The following OSBPL10 variants were observed in gnomAD, a reference collection of about 807,000 sequenced individuals.
The protein encoded by OSBPL10 is oxysterol-binding protein-related protein 10.
Under a neutral mutation model 81.7 loss-of-function variants are expected in OSBPL10, and 49 were observed. That is an observed-to-expected ratio of 0.60 (90% CI 0.48 to 0.76). The LOEUF (loss-of-function observed/expected upper bound fraction) is 0.76. Ranked by LOEUF, OSBPL10 falls within the 30% of genes least tolerant of loss-of-function variation. The pLI, the probability that OSBPL10 is intolerant of heterozygous loss-of-function variation, is 0.00. For missense variants in OSBPL10, 923 were observed against 987.8 expected, an observed-to-expected ratio of 0.93 and a Z score of 0.88; for synonymous variants, 419 against 383.6, an observed-to-expected ratio of 1.09 and a Z score of -1.08.
chr3:32,020,606 G>A (rs549266927), intron 2 of OSBPL10, among the ~76,000 whole-genome samples: 1 of 152,048 alleles, frequency 6.6e-6, no homozygotes, highest in Admixed American at 6.6e-5. Context: ...TTGCGTACAA[G>A]TCTTTGTGAT....
intron 1 of OSBPL10, among the ~76,000 whole-genome samples, chr3:31,945,251 A>G (rs1697666561): frequency 6.6e-6 from 1 of 151,874 alleles, no homozygotes; most frequent in African/African-American, 2.4e-5. Context: ...TCCCTCCCTC[A>G]TCAGCAAACA....
chr3:31,879,408 C>T (rs1431943691), intron 2 of OSBPL10: 9 of 453,128 alleles, frequency 2.0e-5, no homozygotes, highest in Middle Eastern at 5.8e-4. Flanking sequence ...TCCTAAGGCG[C>T]GCTGCTTTGG....
At chr3:31,694,370 CAAAAAAAAAA>C (rs747631578) in intron 7 of OSBPL10, among the ~76,000 whole-genome samples, 3 of 62,832 alleles carry the variant, frequency 4.8e-5, no homozygotes, top group African/African-American at 7.1e-5. Context: ...GACTCTGTCT[CAAAAAAAAAA>C]AAAAAAAAAA....
At chr3:31,685,914 G>A (rs1204086780) in intron 7 of OSBPL10, among the ~76,000 whole-genome samples, 5 of 152,210 alleles carry the variant, frequency 3.3e-5, no homozygotes, top group Non-Finnish European at 7.3e-5. Context: ...CGATGTGGCA[G>A]TGTTAGGAAG....
At chr3:31,908,517 C>G (rs1696482164) in intron 1 of OSBPL10, among the ~76,000 whole-genome samples, 2 of 152,300 alleles carry the variant, frequency 1.3e-5, no homozygotes, top group East Asian at 1.9e-4. Flanking sequence ...ACCAGCTGAT[C>G]TAGAGGCAAG....
intron 11 of OSBPL10, chr3:31,663,154 G>A: frequency 1.0e-6 from 1 of 985,394 alleles, no homozygotes; most frequent in East Asian, 1.1e-4. Flanking sequence ...GCAGAAGTCA[G>A]GGGTTACCAG....
intron 1 of OSBPL10, among the ~76,000 whole-genome samples, chr3:31,911,791 C>T (rs7613480): frequency 0.54 from 81,420 of 151,854 alleles, 22,491 homozygotes; most frequent in Non-Finnish European, 0.61. Context: ...AAGCAGGGAA[C>T]ATGCAAAAGT....
chr3:31,788,524 A>T (rs1228719335), intron 4 of OSBPL10, among the ~76,000 whole-genome samples: 1 of 152,198 alleles, frequency 6.6e-6, no homozygotes, highest in Non-Finnish European at 1.5e-5. Flanking sequence ...AAGACTAAAA[A>T]TCACAGGTAA....
At chr3:31,988,162 A>G (rs773884588) in intron 2 of OSBPL10, among the ~76,000 whole-genome samples, 1 of 152,228 alleles carries the variant, frequency 6.6e-6, no homozygotes, top group Non-Finnish European at 1.5e-5. Context: ...ATCTGGAGCA[A>G]TTATCCTGTG....
intron 2 of OSBPL10, among the ~76,000 whole-genome samples, chr3:31,997,953 C>A (rs946671159): frequency 6.6e-6 from 1 of 152,044 alleles, no homozygotes; most frequent in Admixed American, 6.6e-5. Flanking sequence ...CCGTGCCCAG[C>A]TAATTTTGTT....
intron 1 of OSBPL10, among the ~76,000 whole-genome samples, chr3:31,965,145 G>A (rs943828183): frequency 4.6e-5 from 7 of 151,592 alleles, no homozygotes; most frequent in Middle Eastern, 3.2e-3. Flanking sequence ...CAAGGTGGGC[G>A]GATCACGAGG....
At position 31,900,271 on chromosome 3, in the gene OSBPL10, C is replaced by T. The variant is rs557678854; in HGVS notation, c.282-20441G>A. Among the ~76,000 whole-genome samples the T allele has an allele frequency of 1.2e-4, 18 of 152,142 alleles. No individual in the cohort carries two copies. In the East Asian group the frequency reaches 3.3e-3, roughly 28 times the overall value. On this transcript the variant is annotated intron_variant, in intron 1 of 11. Coordinates refer to ENST00000396556, the MANE Select transcript of OSBPL10 (RefSeq NM_017784.5). ...TTGCCCAGGCTGGTCTCGAACTCCT[C>T]AGCTCAAGAGATCCACTCACCTTGG...
chr3:32,058,798 C>T (rs1575094229), intron 1 of OSBPL10, among the ~76,000 whole-genome samples: 1 of 152,096 alleles, frequency 6.6e-6, no homozygotes, highest in South Asian at 2.1e-4. Context: ...CCAGTGGCTG[C>T]CTCTGTCTGT....
At chr3:32,051,344 C>G (rs1217185491) in intron 1 of OSBPL10, among the ~76,000 whole-genome samples, 1 of 150,998 alleles carries the variant, frequency 6.6e-6, no homozygotes, top group Non-Finnish European at 1.5e-5. Context: ...GACTTTTTTC[C>G]TTTTGGAGCG....
At chr3:31,796,102 G>T in intron 4 of OSBPL10, 1 of 171,582 alleles carries the variant, frequency 5.8e-6, no homozygotes. Context: ...ATCAGTGCAA[G>T]GAATGTGGTA....
At chr3:31,771,379 G>C (rs1698375895) in intron 4 of OSBPL10, among the ~76,000 whole-genome samples, 1 of 151,922 alleles carries the variant, frequency 6.6e-6, no homozygotes, top group Non-Finnish European at 1.5e-5. Context: ...ATTAAAAGCT[G>C]ATAGAGCCAG....
chr3:31,989,651 C>A, intron 2 of OSBPL10: 1 of 1,614,110 alleles, frequency 6.2e-7, no homozygotes, highest in Non-Finnish European at 8.5e-7. Flanking sequence ...TCAGTTCTAA[C>A]GTCCCAAAGA....
intron 6 of OSBPL10, among the ~76,000 whole-genome samples, chr3:31,721,109 C>T (rs570360990): frequency 7.9e-5 from 12 of 152,156 alleles, no homozygotes; most frequent in Admixed American, 2.0e-4. Context: ...GATGGGACTA[C>T]GGAAGCAGGG....
At chr3:31,823,842 GTA>G (rs1391681009) in intron 4 of OSBPL10, among the ~76,000 whole-genome samples, 17 of 87,854 alleles carry the variant, frequency 1.9e-4, no homozygotes, top group Middle Eastern at 6.3e-3. Flanking sequence ...TTGTATGTGT[GTA>G]TGTGTGTGTG....
Sources: allele counts gnomAD v4.1 joint callset (sites outside exome capture counted in the v4.1 genomes callset), GRCh38; gene constraint gnomAD v4.1.1; transcripts MANE v1.5; gene names NCBI Gene and HGNC (gene_info 2026-07-23, HGNC 2026-07-21).